ABCC2: variants seen among roughly 807,000 people sequenced by gnomAD.
ABCC2 encodes the protein ATP-binding cassette sub-family C member 2.
In ABCC2, 157 loss-of-function variants were observed where a neutral mutation model predicts 173.4. The ratio of observed to expected loss-of-function variants is 0.91; its 90% CI spans 0.80 to 1.03. ABCC2 has a LOEUF of 1.03. Among genes scored for constraint, ABCC2 ranks in the 50% least tolerant of loss-of-function variants. The pLI is 0.00. For synonymous variants in ABCC2, 657 were observed against 693.5 expected (o/e 0.95, Z 0.83); for missense variants, 1,822 against 1,852.3 (o/e 0.98, Z 0.30).
At chr10:99,812,699 G>A (rs76771815) in intron 15 of ABCC2, among the ~76,000 whole-genome samples, 2,448 of 152,234 alleles carry the variant, frequency 0.016, 59 homozygotes, top group African/African-American at 0.049. Context: ...GCCCCCACTA[G>A]GGTCTTGTTC....
At position 99,845,661 on chromosome 10, in the gene ABCC2, C is replaced by A; in HGVS notation, c.4025C>A (p.Ser1342Tyr). Residue 1342 changes from serine to tyrosine, a missense_variant, in exon 29 of 32, where the codon TCC becomes TAC. By Grantham distance (144) the Ser-to-Tyr change is moderately radical. Coordinates refer to ENST00000647814, the MANE Select transcript of ABCC2 (RefSeq NM_000392.5). ...GGCAGGACAGGAGCTGGAAAGTCAT[C>A]CCTCACAAACTGCCTCTTCAGAATC... ...VVGRTGAGKS[S>Y]LTNCLFRILE... The A allele has an allele frequency of 6.2e-7, 1 of 1,613,988 alleles. No homozygotes were observed. Among genetic ancestry groups the A allele is most frequent in the East Asian group, 2.2e-5 (1 of 44,876 alleles).
rs1428288766 is a variant in ABCC2 at position 99,830,416 on chromosome 10, T to G, written c.2730T>G (p.Arg910=). ...SITMRRENSF[R]RTLSRSSRSN... ...CCATGAGAAGAGAGAACAGCTTTCG[T>G]CGAACACTTAGCCGCAGGTTGGCTA... is the stretch of plus-strand genomic sequence containing the variant. The change falls in exon 20 of 32, where the codon CGT becomes CGG. Residue 910 remains arginine (R), a synonymous_variant. Coordinates refer to ENST00000647814, the MANE Select transcript of ABCC2 (RefSeq NM_000392.5). The G allele has an allele frequency of 6.2e-7, 1 of 1,614,204 alleles. No individual in the cohort carries two copies. Among genetic ancestry groups the G allele is most frequent in the South Asian group, 1.1e-5 (1 of 91,086 alleles).
rs2039028040 is a variant in ABCC2 at position 99,847,038 on chromosome 10, G to A, written c.4224G>A (p.Lys1408=). 1 of 1,614,218 alleles carries A rather than the reference G, an allele frequency of 6.2e-7. No homozygotes were observed. Residue 1408 remains lysine (K), a synonymous_variant, in exon 30 of 32, where the codon AAG becomes AAA. Transcript: ENST00000647814. ...ACTACTCAGATGAGGAGATTTGGAA[G>A]GCCTTGGAGCTGGCTCACCTCAAGT... ...FNNYSDEEIW[K]ALELAHLKSF...
chr10:99,795,801 A>AAGAAAGAGAGAG lies in ABCC2; in HGVS notation c.633-1293_633-1292insAAGAGAGAGAGA, dbSNP rs58906337. Among the ~76,000 whole-genome samples, 55 of 102,390 alleles carry AAGAAAGAGAGAG rather than the reference A, an allele frequency of 5.4e-4. 2 individuals carry two copies. The highest frequency in any genetic ancestry group is 2.0e-3 in the Admixed American group (20 of 9,884). The allele number at this position is 102,390 out of a possible 152,430, so 67.2% of individuals were successfully genotyped here. On this transcript the variant is annotated intron_variant, in intron 6 of 31. Transcript: ENST00000647814. ...AAAGAAAGAAAGAAAGAAAGAAAGA[A>AAGAAAGAGAGAG]AGATTTCTAAATGCTAGATTTCAGT...
intron 13 of ABCC2, among the ~76,000 whole-genome samples, chr10:99,809,867 A>G (rs913022656): frequency 6.6e-6 from 1 of 152,194 alleles, no homozygotes; most frequent in African/African-American, 2.4e-5. Flanking sequence ...TTTGTCTTAG[A>G]AGGCAGGAGG....
chr10:99,814,113 G>GTA (rs1554850428), intron 16 of ABCC2, among the ~76,000 whole-genome samples: 1 of 105,434 alleles, frequency 9.5e-6, no homozygotes, highest in Non-Finnish European at 2.0e-5. Flanking sequence ...ACACATATGT[G>GTA]TATATACACA....
At chr10:99,803,445 C>T (rs1050695544) in intron 9 of ABCC2, among the ~76,000 whole-genome samples, 2 of 152,178 alleles carry the variant, frequency 1.3e-5, no homozygotes, top group African/African-American at 4.8e-5. Context: ...TCCTTCCCTT[C>T]TCCCTTTCCT....
chr10:99,797,435 T>C (rs1383941262), intron 7 of ABCC2, 104 bp downstream of exon 7: 1 of 964,740 alleles, frequency 1.0e-6, no homozygotes, highest in Non-Finnish European at 1.6e-6. Context: ...CACTTCATAC[T>C]TCTCAGTGCA....
At chr10:99,785,561 G>C (rs1297324261) in intron 2 of ABCC2, among the ~76,000 whole-genome samples, 1 of 151,940 alleles carries the variant, frequency 6.6e-6, no homozygotes, top group African/African-American at 2.4e-5. Context: ...CTGTTGCCCA[G>C]GCTGGAGTGC....
At chr10:99,814,722 C>CATATGTGTGTGT (rs1171725600) in intron 16 of ABCC2, among the ~76,000 whole-genome samples, 7 of 141,686 alleles carry the variant, frequency 4.9e-5, no homozygotes, top group African/African-American at 1.8e-4. Flanking sequence ...TGTATATACA[C>CATATGTGTGTGT]ATATGTGTGT....
Position 99,814,602 on chromosome 10 carries a change from C to CAT in ABCC2, c.2094+1461_2094+1462dup, listed in dbSNP as rs1315524329. Among the ~76,000 whole-genome samples the CAT allele has an allele frequency of 2.2e-4, 18 of 83,442 alleles. 5 individuals are homozygous for CAT. The highest frequency in any genetic ancestry group is 9.9e-4 in the African/African-American group (18 of 18,232). 54.7% of individuals were successfully genotyped at this position (83,442 alleles called of 152,430 possible). On this transcript the variant is annotated intron_variant, in intron 16 of 31. Coordinates refer to ENST00000647814, the MANE Select transcript of ABCC2 (RefSeq NM_000392.5). The stretch of plus-strand genomic sequence containing the variant: ...ATGTGTATATACACATATACACACA[C>CAT]ATATGTGTATATACACATATACACA...
intron 30 of ABCC2, among the ~76,000 whole-genome samples, 199 bp downstream of exon 30, chr10:99,847,326 G>A (rs1342747244): frequency 1.3e-5 from 2 of 152,274 alleles, no homozygotes; most frequent in African/African-American, 4.8e-5. Context: ...AACTGGTCGA[G>A]CACAGTGGCT....
chr10:99,802,980 A>G (rs963832419), intron 9 of ABCC2, among the ~76,000 whole-genome samples: 4 of 151,862 alleles, frequency 2.6e-5, no homozygotes, highest in African/African-American at 4.8e-5. Context: ...TTATTTATTT[A>G]TTTTTCAAGA....
intron 1 of ABCC2, among the ~76,000 whole-genome samples, chr10:99,784,293 A>G (rs886128655): frequency 1.3e-5 from 2 of 152,170 alleles, no homozygotes; most frequent in Non-Finnish European, 2.9e-5. Flanking sequence ...AAACTGGGGA[A>G]CAGTCCTTCT....
intron 21 of ABCC2, 134 bp downstream of exon 21, chr10:99,830,985 A>C: frequency 1.0e-6 from 1 of 968,330 alleles, no homozygotes; most frequent in Non-Finnish European, 1.6e-6. Flanking sequence ...CTTCAGACTC[A>C]TTATTAACCT....
rs1272254774 is a variant in ABCC2, at chr10:99,799,189, G to A, written c.868-18G>A. 2 of 1,613,662 alleles carry A rather than the reference G, an allele frequency of 1.2e-6. No homozygotes were observed. The highest frequency in any genetic ancestry group is 1.1e-5 in the South Asian group (1 of 91,062). ...CAGACATAACTCTGTGGACACTGTT[G>A]TTTGGTTTTGTACCTAGGAAGATGT... On this transcript the variant is annotated intron_variant, in intron 7 of 31. Transcript: ENST00000647814.
intron 24 of ABCC2, 68 bp from the exon 25 acceptor site, chr10:99,836,023 A>G (rs2133123937): frequency 6.6e-7 from 1 of 1,522,728 alleles, no homozygotes; most frequent in Non-Finnish European, 9.1e-7. Context: ...GGTTGTGGCC[A>G]GAAAGGAGGA....
chr10:99,830,208 C>T lies in ABCC2; in HGVS notation c.2621-99C>T. The T allele has an allele frequency of 4.7e-6, 7 of 1,498,816 alleles. No homozygotes were observed. The Admixed American group carries it at 1.2e-4, about 25-fold the overall frequency. The allele number at this position is 1,498,816 out of a possible 1,614,324, so 92.8% of individuals were successfully genotyped here. A position where few individuals can be genotyped will look rare whatever the true frequency, so the allele number is the denominator to read the frequency against. On this transcript the variant is annotated intron_variant, in intron 19 of 31. Coordinates refer to ENST00000647814, the MANE Select transcript of ABCC2 (RefSeq NM_000392.5). The stretch of plus-strand genomic sequence containing the variant: ...CTGTATGTACATCTGGGATCCCTTG[C>T]TGAAACCAGCAAGATCAGAGGAGGC...
At chr10:99,788,311 A>G (rs2037753829) in intron 2 of ABCC2, among the ~76,000 whole-genome samples, 1 of 152,086 alleles carries the variant, frequency 6.6e-6, no homozygotes, top group Admixed American at 6.6e-5. Flanking sequence ...CTTTTTGTGG[A>G]TATTTTATTC....
Sources: allele counts gnomAD v4.1 joint callset (sites outside exome capture counted in the v4.1 genomes callset), GRCh38; gene constraint gnomAD v4.1.1; transcripts MANE v1.5; gene names NCBI Gene and HGNC (gene_info 2026-07-23, HGNC 2026-07-21).